Variants in ZNF626 observed in about 807,000 individuals in gnomAD.
ZNF626 encodes the protein zinc finger protein 626, also known as CTC-513N18.7.
ZNF626 carries 4 observed loss-of-function variants against 11.7 expected under a neutral mutation model. That is an observed-to-expected ratio of 0.34 (90% CI 0.17 to 0.78). The LOEUF (loss-of-function observed/expected upper bound fraction) is 0.78, where lower values mean the gene tolerates loss of function less well. Ranked by LOEUF, ZNF626 falls within the 30% of genes least tolerant of loss-of-function variation. The pLI is 0.57. For missense variants in ZNF626, 588 were observed against 587.1 expected, an observed-to-expected ratio of 1.00 and a Z score of -0.01; for synonymous variants, 179 against 198.6, an observed-to-expected ratio of 0.90 and a Z score of 0.83.
chr19:20,621,848 A>ATT lies in ZNF626; in HGVS notation c.*2441_*2442insAA, dbSNP rs1163295166. 6.6e-6 allele frequency: 1 copy of ATT among 152,200 alleles called. No individual in the cohort carries two copies. The highest frequency in any genetic ancestry group is 1.5e-5 in the Non-Finnish European group (1 of 68,034). 9.4% of individuals were successfully genotyped at this position (152,200 alleles called of 1,614,324 possible). A position where few individuals can be genotyped will look rare whatever the true frequency, so the allele number is the denominator to read the frequency against. On this transcript the variant is annotated 3_prime_UTR_variant, in exon 4 of 4. Transcript: ENST00000601440. Reference sequence around the variant, plus strand: ...CGGATAGGTTAAAGTTAGTGGCATAATAATGCTTCATTAAATGCACAATAG... The same window carrying ATT: ...CGGATAGGTTAAAGTTAGTGGCATAATTTAATGCTTCATTAAATGCACAATAG...
intron 3 of ZNF626, among the ~76,000 whole-genome samples, chr19:20,636,415 G>A (rs1599478391): frequency 6.6e-6 from 1 of 151,888 alleles, no homozygotes; most frequent in East Asian, 1.9e-4. Context: ...TAAATGATGT[G>A]ATGTGACATT....
intron 3 of ZNF626, among the ~76,000 whole-genome samples, chr19:20,643,916 A>T (rs1278963935): frequency 1.3e-5 from 2 of 152,212 alleles, no homozygotes; most frequent in Non-Finnish European, 1.5e-5. Context: ...TTCAGAAGGC[A>T]GGCCCTCATT....
Position 20,624,351 on chromosome 19 carries a change from GTAGAATTT to G in ZNF626, c.1518_1525del (p.Arg506SerfsTer89). ...AGGCTTTGCCACATTCTTCACATTT[GTAGAATTT>G]CTCTCCAGTATGATTCTCTCATGTG... On this transcript the variant is annotated frameshift_variant, in exon 4 of 4. Coordinates refer to ENST00000601440, the MANE Select transcript of ZNF626 (RefSeq NM_001076675.3). LOFTEE classifies it low-confidence loss of function (END_TRUNC). The G allele has an allele frequency of 6.9e-7, 1 of 1,443,850 alleles. No individual in the cohort carries two copies. The highest frequency in any genetic ancestry group is 9.3e-7 in the Non-Finnish European group (1 of 1,080,594). The allele number at this position is 1,443,850 out of a possible 1,614,324, so 89.4% of individuals were successfully genotyped here. A position where few individuals can be genotyped will look rare whatever the true frequency, so the allele number is the denominator to read the frequency against.
rs781923930 is a variant in ZNF626, at chr19:20,625,590, T to G, written c.287A>C (p.Gln96Pro). The change falls in exon 4 of 4, where the codon CAA (glutamine) becomes CCA (proline). Residue 96 changes from glutamine (Q) to proline (P), a missense_variant. Transcript: ENST00000601440. ...WPEQSMKDSFQKVVLRRYEKC... is the reference protein window; with the variant it reads ...WPEQSMKDSFPKVVLRRYEKC... ...TTCATATCTTCTCAGTACCACTTTT[T>G]GGAAAGAATCTTTCATGCTCTGCTC... is the stretch of plus-strand genomic sequence containing the variant. 1 of 1,601,880 alleles carries G rather than the reference T, an allele frequency of 6.2e-7. No individual in the cohort carries two copies. Among genetic ancestry groups the G allele is most frequent in the African/African-American group, 1.3e-5 (1 of 74,328 alleles).
chr19:20,644,204 C>A (rs903207001), intron 3 of ZNF626, among the ~76,000 whole-genome samples: 1 of 152,146 alleles, frequency 6.6e-6, no homozygotes, highest in African/African-American at 2.4e-5. Flanking sequence ...TCAGTCCTGC[C>A]TATATAGAAA....
Position 20,621,381 on chromosome 19 carries a change from A to T in ZNF626, c.*2909T>A, listed in dbSNP as rs1268622640. ...CATGATCTGCCCGACGTCGCCTACCAAAGTGCTGGGATTACAGGCATGAGC... is the reference window on the plus strand; with the variant it reads ...CATGATCTGCCCGACGTCGCCTACCTAAGTGCTGGGATTACAGGCATGAGC... On this transcript the variant is annotated 3_prime_UTR_variant, in exon 4 of 4. Transcript: ENST00000601440. 2.0e-5 allele frequency: 3 copies of T among 152,170 alleles called. No homozygotes were observed. The highest frequency in any genetic ancestry group is 4.4e-5 in the Non-Finnish European group (3 of 68,038). 9.4% of individuals were successfully genotyped at this position (152,170 alleles called of 1,614,324 possible). A position where few individuals can be genotyped will look rare whatever the true frequency, so the allele number is the denominator to read the frequency against.
intron 3 of ZNF626, among the ~76,000 whole-genome samples, chr19:20,641,150 A>G (rs1970020762): frequency 7.1e-6 from 1 of 140,616 alleles, no homozygotes; most frequent in African/African-American, 2.7e-5. Flanking sequence ...AAAAAAAAAA[A>G]AAGCAACACA....
rs530473547 is a variant in ZNF626 at position 20,648,406 on chromosome 19, T to C, written c.4-2001A>G. Among the ~76,000 whole-genome samples, 7 of 150,436 alleles carry C rather than the reference T, an allele frequency of 4.7e-5. No homozygotes were observed. The East Asian group carries it at 1.4e-3, about 30-fold the overall frequency. The stretch of plus-strand genomic sequence containing the variant: ...TTTTTTTTTTTTCTGAGATGGAGTC[T>C]GGCTCTGTTGCCCAGGCTGGAGTGC... On this transcript the variant is annotated intron_variant, in intron 1 of 3. Transcript: ENST00000601440.
chr19:20,626,405 G>A (rs59231492), intron 3 of ZNF626, among the ~76,000 whole-genome samples: 7,916 of 152,212 alleles, frequency 0.052, 231 homozygotes, highest in Non-Finnish European at 0.052. Flanking sequence ...ATGTATATGA[G>A]GTAATTTAAA....
At position 20,623,896 on chromosome 19, in the gene ZNF626, G is replaced by T; in HGVS notation, c.*394C>A. The T allele has an allele frequency of 3.0e-6, 1 of 336,454 alleles. No individual in the cohort carries two copies. Among genetic ancestry groups the T allele is most frequent in the Admixed American group, 4.0e-5 (1 of 24,964 alleles). 20.8% of individuals were successfully genotyped at this position (336,454 alleles called of 1,614,324 possible). A position where few individuals can be genotyped will look rare whatever the true frequency, so the allele number is the denominator to read the frequency against. ...CCAGTATGAATTATGTGTAATAAAG[G>T]TTGAGAAGTTCCTTAAAAAATCTGT... On this transcript the variant is annotated 3_prime_UTR_variant, in exon 4 of 4. Coordinates refer to ENST00000601440, the MANE Select transcript of ZNF626 (RefSeq NM_001076675.3).
At chr19:20,652,617 AAC>A (rs1970159307) in intron 1 of ZNF626, among the ~76,000 whole-genome samples, 1 of 152,184 alleles carries the variant, frequency 6.6e-6, no homozygotes, top group Non-Finnish European at 1.5e-5. Context: ...GGCAATAGTG[AAC>A]AGTCTCAAAA....
In ZNF626 at chr19:20,624,641, A is replaced by C. The variant is rs1969800331; in HGVS notation, c.1236T>G (p.Leu412=). ...CGKAFKYSSN[L]TTHKKIHTGE... is the part of the protein sequence containing the mutation. ...CAGTATGAATTTTCTTATGTGTAGT[A>C]AGGTTAGAGGAGTACTTAAAAGCTT... is the stretch of plus-strand genomic sequence containing the variant. Residue 412 remains leucine, a synonymous_variant, in exon 4 of 4, where the codon CTT becomes CTG. Coordinates refer to ENST00000601440, the MANE Select transcript of ZNF626 (RefSeq NM_001076675.3). 1 of 1,590,840 alleles carries C rather than the reference A, an allele frequency of 6.3e-7. No homozygotes were observed. The highest frequency in any genetic ancestry group is 1.3e-5 in the African/African-American group (1 of 74,124).
chr19:20,632,243 T>C (rs1384815510), intron 3 of ZNF626, among the ~76,000 whole-genome samples: 3 of 152,198 alleles, frequency 2.0e-5, no homozygotes, highest in Non-Finnish European at 4.4e-5. Context: ...ATTTCAACTT[T>C]GGTGAATCTG....
intron 1 of ZNF626, among the ~76,000 whole-genome samples, chr19:20,655,552 T>G (rs1970195537): frequency 6.6e-6 from 1 of 152,186 alleles, no homozygotes; most frequent in Non-Finnish European, 1.5e-5. Flanking sequence ...AACTTTTATT[T>G]AGCTGTTGAC....
At chr19:20,645,235 T>C (rs1970062319) in intron 3 of ZNF626, 2 of 1,385,408 alleles carry the variant, frequency 1.4e-6, no homozygotes, top group Non-Finnish European at 9.4e-7. Context: ...GAATGGACTG[T>C]GCAGAAAAAT....
intron 3 of ZNF626, among the ~76,000 whole-genome samples, chr19:20,628,586 G>T (rs1201091484): frequency 6.6e-6 from 1 of 152,132 alleles, no homozygotes; most frequent in Non-Finnish European, 1.5e-5. Flanking sequence ...CTTCTTTTGA[G>T]AAGTGTCTGT....
chr19:20,640,257 AAATT>A (rs1555771303), intron 3 of ZNF626, among the ~76,000 whole-genome samples: 1 of 148,088 alleles, frequency 6.8e-6, no homozygotes, highest in Non-Finnish European at 1.5e-5. Context: ...TTAATTATTA[AAATT>A]ATTAATTTAA....
chr19:20,638,784 G>C (rs1298986080), intron 3 of ZNF626, among the ~76,000 whole-genome samples: 1 of 151,738 alleles, frequency 6.6e-6, no homozygotes, highest in Non-Finnish European at 1.5e-5. Context: ...AATACATAAA[G>C]CAAATATTGA....
In ZNF626 at chr19:20,625,580, TA is replaced by T; in HGVS notation, c.296del (p.Val99AspfsTer2). 1 of 1,605,254 alleles carries T rather than the reference TA, an allele frequency of 6.2e-7. No homozygotes were observed. The highest frequency in any genetic ancestry group is 8.5e-7 in the Non-Finnish European group (1 of 1,176,610). On this transcript the variant is annotated frameshift_variant, in exon 4 of 4. Coordinates refer to ENST00000601440, the MANE Select transcript of ZNF626 (RefSeq NM_001076675.3). LOFTEE classifies it low-confidence loss of function (END_TRUNC). ...QSMKDSFQKV[V>X]LRRYEKCEHD... is the part of the protein sequence containing the mutation. ...GTTCACATTTTTCATATCTTCTCAGTACCACTTTTTGGAAAGAATCTTTCAT... is the reference window on the plus strand; with the variant it reads ...GTTCACATTTTTCATATCTTCTCAGTCCACTTTTTGGAAAGAATCTTTCAT...
Sources: allele counts gnomAD v4.1 joint callset (sites outside exome capture counted in the v4.1 genomes callset), GRCh38; gene constraint gnomAD v4.1.1; transcripts MANE v1.5; gene names NCBI Gene and HGNC (gene_info 2026-07-23, HGNC 2026-07-21).